The following CTCFL variants were observed in gnomAD, a reference collection of about 807,000 sequenced individuals.
CTCFL encodes CCCTC-binding factor like, also known as transcriptional repressor CTCFL.
A neutral mutation model predicts 67.4 loss-of-function variants in CTCFL; 36 were observed. That is an observed-to-expected ratio of 0.53 (90% CI 0.41 to 0.71). The LOEUF (loss-of-function observed/expected upper bound fraction) is 0.71. CTCFL is among the 30% of genes least tolerant of loss of function. CTCFL has a pLI of 0.00. For missense variants in CTCFL, 786 were observed against 835.2 expected, an observed-to-expected ratio of 0.94 and a Z score of 0.73; for synonymous variants, 324 against 302.3, an observed-to-expected ratio of 1.07 and a Z score of -0.75.
intron 10 of CTCFL, chr20:57,499,867 G>T: frequency 1.5e-6 from 1 of 667,386 alleles, no homozygotes; most frequent in Non-Finnish European, 1.8e-6. Flanking sequence ...GGGAGCGGCT[G>T]TCAATACAAA....
chr20:57,512,603 C>T lies in CTCFL; in HGVS notation c.1480G>A (p.Ala494Thr). 6.2e-7 allele frequency: 1 copy of T among 1,614,180 alleles called. No homozygotes were observed. Among genetic ancestry groups the T allele is most frequent in the East Asian group, 2.2e-5 (1 of 44,890 alleles). ...KRFKCKHCSY[A>T]CKQERHMTAH... is the part of the protein sequence containing the mutation. ...GTAAAGTACAATACCTGCTTGCAGGCATAACTGCAGTGTTTGCACTTGAAC... is the reference window on the plus strand; with the variant it reads ...GTAAAGTACAATACCTGCTTGCAGGTATAACTGCAGTGTTTGCACTTGAAC... The change falls in exon 8 of 11, where the codon GCC becomes ACC. Residue 494 changes from alanine (A) to threonine (T), a missense_variant. Around this residue, in one of 3 missense-constraint regions of CTCFL, gnomAD observed 254 missense variants for 333.9 expected, o/e 0.76. Coordinates refer to ENST00000243914, the MANE Select transcript of CTCFL (RefSeq NM_001386993.1).
chr20:57,497,900 A>AT lies in CTCFL; in HGVS notation c.*649dup. ...TCCTATACCAAAGTAAAATCGATTT[A>AT]TTCCTTATTTTCTAGTCTAATCTAG... On this transcript the variant is annotated 3_prime_UTR_variant, in exon 11 of 11. Coordinates refer to ENST00000243914, the MANE Select transcript of CTCFL (RefSeq NM_001386993.1). 4 of 962,006 alleles carry AT rather than the reference A, an allele frequency of 4.2e-6. No individual in the cohort carries two copies. Among genetic ancestry groups the AT allele is most frequent in the Non-Finnish European group, 4.9e-6 (4 of 808,664 alleles). 59.6% of individuals were successfully genotyped at this position (962,006 alleles called of 1,614,324 possible).
chr20:57,498,444 T>G lies in CTCFL; in HGVS notation c.*106A>C. ...GGGCAGTGAACATGCAACCTGACTC[T>G]CTCTCACTTATCCATCGTGTTGAGG... On this transcript the variant is annotated 3_prime_UTR_variant, in exon 11 of 11. Coordinates refer to ENST00000243914, the MANE Select transcript of CTCFL (RefSeq NM_001386993.1). 1 of 1,489,936 alleles carries G rather than the reference T, an allele frequency of 6.7e-7. No homozygotes were observed. Among genetic ancestry groups the G allele is most frequent in the East Asian group, 2.3e-5 (1 of 42,788 alleles). 92.3% of individuals were successfully genotyped at this position (1,489,936 alleles called of 1,614,324 possible). A position where few individuals can be genotyped will look rare whatever the true frequency, so the allele number is the denominator to read the frequency against.
intron 10 of CTCFL, 107 bp from the exon 11 acceptor site, chr20:57,498,808 C>G: frequency 1.0e-6 from 1 of 956,168 alleles, no homozygotes; most frequent in Non-Finnish European, 1.6e-6. Context: ...TTGAACACGG[C>G]AGCAAGCATG....
At chr20:57,511,255 G>C (rs2068532770) in intron 8 of CTCFL, among the ~76,000 whole-genome samples, 1 of 152,056 alleles carries the variant, frequency 6.6e-6, no homozygotes, top group Non-Finnish European at 1.5e-5. Flanking sequence ...GCCCAGGTTG[G>C]TCTTGAATTC....
intron 7 of CTCFL, chr20:57,513,369 G>GT: frequency 1.0e-6 from 1 of 986,748 alleles, no homozygotes; most frequent in Non-Finnish European, 1.2e-6. Context: ...TGATACTTGT[G>GT]TAAGAAGCCA....
In CTCFL at chr20:57,503,594, A is replaced by G. The variant is rs756333031; in HGVS notation, c.1682T>C (p.Leu561Pro). The stretch of plus-strand genomic sequence containing the variant: ...TCCACACTTCTCCGAATGTCTGTGC[A>G]GGTTAATCTGTCGGAGAATTGACAC... Reference protein sequence around the residue: ...CGKGFSRWINLHRHSEKCGSG... With the variant: ...CGKGFSRWINPHRHSEKCGSG... Residue 561 changes from leucine to proline, a missense_variant, in exon 10 of 11, where the codon CTG becomes CCG. Leu to Pro is a moderately conservative substitution (Grantham distance 98). Around this residue, in one of 3 missense-constraint regions of CTCFL, gnomAD observed 199 missense variants for 196.7 expected, o/e 1.01. Transcript: ENST00000243914. The G allele has an allele frequency of 2.1e-5, 34 of 1,613,968 alleles. No homozygotes were observed. The highest frequency in any genetic ancestry group is 1.0e-4 in the Admixed American group (6 of 59,996).
intron 3 of CTCFL, among the ~76,000 whole-genome samples, chr20:57,520,194 T>C (rs1255008711): frequency 6.6e-6 from 1 of 152,196 alleles, no homozygotes; most frequent in African/African-American, 2.4e-5. Flanking sequence ...TTTTTGACCA[T>C]CACTGCCTGG....
downstream of CTCFL, chr20:57,496,202 C>G (rs1335324105): frequency 5.6e-6 from 3 of 540,504 alleles, no homozygotes; most frequent in East Asian, 6.0e-5. Context: ...CTCAAGGAAT[C>G]TGGTCGTTCA....
In CTCFL at chr20:57,519,151, T is replaced by C. The variant is rs972645120; in HGVS notation, c.925+56A>G. 23 of 1,540,960 alleles carry C rather than the reference T, an allele frequency of 1.5e-5. No homozygotes were observed. The African/African-American group carries it at 2.2e-4, about 15-fold the overall frequency. ...GTAGAAACAGGTGGATTCACATTCT[T>C]AACATAAGCCTTAACACACATCATT... On this transcript the variant is annotated intron_variant, in intron 4 of 10. Coordinates refer to ENST00000243914, the MANE Select transcript of CTCFL (RefSeq NM_001386993.1).
In CTCFL at chr20:57,523,782, G is replaced by C. The variant is rs771999717; in HGVS notation, c.424C>G (p.Leu142Val). Reference sequence around the variant, plus strand: ...ACCTCCATCTCTTGCGGGGAGTACAGCTCTTGCTGGATACTAATGGCCACA... The same window carrying C: ...ACCTCCATCTCTTGCGGGGAGTACACCTCTTGCTGGATACTAATGGCCACA... ...QCVAISIQQE[L>V]YSPQEMEVLQ... is the part of the protein sequence containing the mutation. The change falls in exon 2 of 11, where the codon CTG becomes GTG. Residue 142 changes from leucine to valine, a missense_variant. Physicochemically the swap from Leu to Val is conservative, Grantham distance 32 (BLOSUM62 1). Coordinates refer to ENST00000243914, the MANE Select transcript of CTCFL (RefSeq NM_001386993.1). 4 of 1,613,340 alleles carry C rather than the reference G, an allele frequency of 2.5e-6. No individual in the cohort carries two copies. The East Asian group carries it at 6.7e-5, about 27-fold the overall frequency.
downstream of CTCFL, chr20:57,496,125 C>T (rs773095827): frequency 9.9e-6 from 4 of 404,546 alleles, no homozygotes; most frequent in African/African-American, 2.0e-5. Context: ...GACTGGATCA[C>T]GGGGGCGGTT....
intron 3 of CTCFL, among the ~76,000 whole-genome samples, chr20:57,520,905 ATAAGCCAG>A (rs551589705): frequency 1.0e-3 from 157 of 152,362 alleles, no homozygotes; most frequent in African/African-American, 3.5e-3. Flanking sequence ...AAGGTGGGTC[ATAAGCCAG>A]TATGACTGGT....
At chr20:57,523,536 TG>T in intron 2 of CTCFL, 126 bp downstream of exon 2, 2 of 1,320,612 alleles carry the variant, frequency 1.5e-6, no homozygotes, top group Non-Finnish European at 2.0e-6. Flanking sequence ...AAGATTTTCC[TG>T]GGAAGTATTT....
intron 3 of CTCFL, among the ~76,000 whole-genome samples, chr20:57,520,030 CA>C (rs199978587): frequency 6.6e-6 from 1 of 152,166 alleles, no homozygotes; most frequent in Admixed American, 6.5e-5. Flanking sequence ...TTTCCATCAG[CA>C]AAAGAAGTTC....
At chr20:57,499,084 T>TG (rs34861317) in intron 10 of CTCFL, among the ~76,000 whole-genome samples, 18 of 79,176 alleles carry the variant, frequency 2.3e-4, no homozygotes, top group South Asian at 1.8e-3. Flanking sequence ...GGGGGGGGGG[T>TG]GGGGGGGGGA....
chr20:57,523,030 G>A (rs371444178), intron 3 of CTCFL, 38 bp downstream of exon 3: 79 of 1,544,932 alleles, frequency 5.1e-5, no homozygotes, highest in Non-Finnish European at 6.5e-5. Context: ...CAGCAGCCCA[G>A]TTTTAGGGAG....
At chr20:57,499,808 T>G (rs181742704) in intron 10 of CTCFL, 1 of 211,324 alleles carries the variant, frequency 4.7e-6, no homozygotes, top group African/African-American at 2.3e-5. Context: ...AATCTAACGC[T>G]GCCGCTGATC....
chr20:57,508,456 A>T (rs1314427491), intron 9 of CTCFL, 150 bp downstream of exon 9: 7 of 664,084 alleles, frequency 1.1e-5, no homozygotes, highest in Non-Finnish European at 1.7e-5. Flanking sequence ...ATTTTAAAAA[A>T]CTAATAACCA....
Sources: gnomAD v4.1 joint callset for allele counts (sites outside exome capture counted in the v4.1 genomes callset) on GRCh38, gnomAD v4.1.1 for gene constraint, gnomAD v4.1.1 regional missense constraint, MANE v1.5 for transcripts, NCBI Gene and HGNC (gene_info 2026-07-23, HGNC 2026-07-21) for gene names.